The following MAP4 variants were observed in gnomAD, a reference collection of about 807,000 sequenced individuals.
The protein encoded by MAP4 is microtubule associated protein 4, also known as microtubule-associated protein 4.
A neutral mutation model predicts 170.2 loss-of-function variants in MAP4; 76 were observed. The ratio of observed to expected loss-of-function variants is 0.45; its 90% CI spans 0.37 to 0.54. The LOEUF is 0.54. Ranked by LOEUF, MAP4 falls within the 20% of genes least tolerant of loss-of-function variation. MAP4 has a pLI of 0.00. For synonymous variants in MAP4, 909 were observed against 994.5 expected (o/e 0.91, Z 1.62); for missense variants, 2,506 against 2,748.0 (o/e 0.91, Z 1.97).
intron 13 of MAP4, 55 bp downstream of exon 13, chr3:47,871,862 C>T (rs1050858078): frequency 5.9e-6 from 9 of 1,530,634 alleles, no homozygotes; most frequent in Middle Eastern, 1.7e-4. Flanking sequence ...TGGGGCAAAG[C>T]CAAGATCCCA....
chr3:47,952,961 G>C (rs2100065477), intron 3 of MAP4, among the ~76,000 whole-genome samples: 1 of 151,956 alleles, frequency 6.6e-6, no homozygotes, highest in African/African-American at 2.4e-5. Context: ...ATTGGTTTGT[G>C]TATTTTATAT....
intron 16 of MAP4, among the ~76,000 whole-genome samples, chr3:47,868,354 T>C (rs1398451957): frequency 6.6e-6 from 1 of 152,226 alleles, no homozygotes; most frequent in Non-Finnish European, 1.5e-5. Context: ...TACTCATTTC[T>C]AGCCTTTTTC....
Position 47,909,185 on chromosome 3 carries a change from G to A in MAP4, c.5236C>T (p.Pro1746Ser), listed in dbSNP as rs763380877. ...TTATCTTCCTTTTTCCCTTCTCCTG[G>A]TGTCTTTGATTCAGATTTTTCTGTC... ...KMTEKSESKT[P>S]GEGKKEDKSR... The change falls in exon 9 of 21, where the codon CCA becomes TCA. Residue 1746 changes from proline (P) to serine (S), a missense_variant. This residue lies in a region of MAP4 where 2,008 missense variants were observed against 2,206.0 expected (regional missense o/e 0.91). Transcript: ENST00000683076. 2.5e-6 allele frequency: 4 copies of A among 1,613,700 alleles called. No homozygotes were observed. In the African/African-American group the frequency reaches 5.3e-5, roughly 22 times the overall value.
At chr3:47,857,383 A>G (rs746161082) in intron 18 of MAP4, 48 bp downstream of exon 18, 9 of 1,507,706 alleles carry the variant, frequency 6.0e-6, no homozygotes, top group Admixed American at 1.7e-5. Flanking sequence ...GACCCATGGC[A>G]GGACGACATA....
chr3:48,071,633 T>C (rs974623238), intron 1 of MAP4, among the ~76,000 whole-genome samples: 2 of 152,006 alleles, frequency 1.3e-5, no homozygotes, highest in Non-Finnish European at 1.5e-5. Context: ...TCTAAATTCA[T>C]GAAAAAAGTA....
At chr3:47,971,978 A>T (rs1454583633) in intron 3 of MAP4, among the ~76,000 whole-genome samples, 1 of 152,224 alleles carries the variant, frequency 6.6e-6, no homozygotes, top group Non-Finnish European at 1.5e-5. Context: ...TAAGAAAGTT[A>T]ATGGTCAATT....
chr3:48,075,045 G>A (rs889661300), intron 1 of MAP4, among the ~76,000 whole-genome samples: 1 of 151,998 alleles, frequency 6.6e-6, no homozygotes, highest in African/African-American at 2.4e-5. Flanking sequence ...ATCCAGAATA[G>A]CCAAAACAAT....
intron 3 of MAP4, among the ~76,000 whole-genome samples, chr3:47,953,780 G>A (rs112427907): frequency 0.048 from 7,314 of 152,180 alleles, 246 homozygotes; most frequent in Non-Finnish European, 0.076. Context: ...TTGGGAGGCC[G>A]AGCCAGGTGG....
At chr3:47,906,058 T>C (rs2100032814) in intron 9 of MAP4, among the ~76,000 whole-genome samples, 1 of 150,006 alleles carries the variant, frequency 6.7e-6, no homozygotes, top group African/African-American at 2.5e-5. Context: ...AAATAATTTT[T>C]CACCGATTAG....
At chr3:47,892,967 C>T (rs949526504) in intron 10 of MAP4, 4 of 776,308 alleles carry the variant, frequency 5.2e-6, no homozygotes, top group Admixed American at 6.3e-5. Flanking sequence ...GACTCATTTG[C>T]CAATCCCCAG....
intron 3 of MAP4, among the ~76,000 whole-genome samples, chr3:47,951,774 C>G (rs1285675325): frequency 1.4e-4 from 22 of 152,108 alleles, no homozygotes; most frequent in Non-Finnish European, 2.5e-4. Flanking sequence ...GCAGCCACCC[C>G]GTCTGGGAAG....
chr3:47,859,828 A>T (rs1408569713), intron 17 of MAP4, among the ~76,000 whole-genome samples: 1 of 152,210 alleles, frequency 6.6e-6, no homozygotes, highest in Non-Finnish European at 1.5e-5. Context: ...ACAGATATTT[A>T]TAGGCATCTC....
intron 1 of MAP4, among the ~76,000 whole-genome samples, chr3:48,005,955 C>G (rs1435362227): frequency 6.6e-6 from 1 of 152,150 alleles, no homozygotes; most frequent in African/African-American, 2.4e-5. Context: ...GCGTAGCTAC[C>G]GTAATGGACA....
chr3:47,909,306 A>G lies in MAP4; in HGVS notation c.5115T>C (p.Pro1705=), dbSNP rs770245537. 3 of 1,613,936 alleles carry G rather than the reference A, an allele frequency of 1.9e-6. No homozygotes were observed. The East Asian group carries it at 6.7e-5, about 36-fold the overall frequency. ...DFLHSKVEAP[P]SEVADTLVIM... is the part of the protein sequence containing the mutation. Reference sequence around the variant, plus strand: ...TTACTAACGTATCCGCCACCTCTGAAGGAGGAGCTTCGACTTTGCTATGTA... The same window carrying G: ...TTACTAACGTATCCGCCACCTCTGAGGGAGGAGCTTCGACTTTGCTATGTA... The change falls in exon 9 of 21, where the codon CCT becomes CCC. Residue 1705 remains proline (P), a synonymous_variant. Coordinates refer to ENST00000683076, the MANE Select transcript of MAP4 (RefSeq NM_001385682.1).
At chr3:47,998,465 C>T (rs538223744) in intron 2 of MAP4, among the ~76,000 whole-genome samples, 173 bp downstream of exon 2, 3 of 152,272 alleles carry the variant, frequency 2.0e-5, no homozygotes, top group South Asian at 2.1e-4. Context: ...GACTCATGAA[C>T]GCTCACTCAA....
At chr3:47,930,475 C>CAAAA (rs1052102394) in intron 3 of MAP4, among the ~76,000 whole-genome samples, 2 of 149,284 alleles carry the variant, frequency 1.3e-5, no homozygotes, top group Admixed American at 6.7e-5. Context: ...AACAAACAAA[C>CAAAA]AAAAAAAACA....
In MAP4 at chr3:47,921,750, T is replaced by C. The variant is rs1284900654; in HGVS notation, c.529+15A>G. The stretch of plus-strand genomic sequence containing the variant: ...TTCCTTCCCTACAGAATAAATCCAT[T>C]TGAAGAAGCCATACCGTAACTGTCT... On this transcript the variant is annotated intron_variant, in intron 5 of 20. Coordinates refer to ENST00000683076, the MANE Select transcript of MAP4 (RefSeq NM_001385682.1). 7 of 1,504,212 alleles carry C rather than the reference T, an allele frequency of 4.7e-6. No individual in the cohort carries two copies. The highest frequency in any genetic ancestry group is 6.5e-6 in the Non-Finnish European group (7 of 1,080,576). The allele number at this position is 1,504,212 out of a possible 1,614,324, so 93.2% of individuals were successfully genotyped here.
intron 3 of MAP4, among the ~76,000 whole-genome samples, chr3:47,951,620 G>A (rs1297052493): frequency 9.2e-5 from 14 of 152,220 alleles, no homozygotes; most frequent in African/African-American, 9.6e-5. Context: ...CCGAGGTGCC[G>A]GGATTGCAGA....
intron 1 of MAP4, among the ~76,000 whole-genome samples, chr3:48,056,470 C>G (rs1382160537): frequency 1.5e-5 from 1 of 67,902 alleles, no homozygotes. Flanking sequence ...GGCCAGCCGC[C>G]CCGTCCGGGA....
Sources: allele counts gnomAD v4.1 joint callset (sites outside exome capture counted in the v4.1 genomes callset), GRCh38; gene constraint gnomAD v4.1.1; regional missense constraint gnomAD v4.1.1; transcripts MANE v1.5; gene names NCBI Gene and HGNC (gene_info 2026-07-23, HGNC 2026-07-21).